Variants in CELF4 observed in about 807,000 individuals in gnomAD.
The protein encoded by CELF4 is CUGBP Elav-like family member 4, also known as CUG-BP- and ETR-3-like factor 4.
A neutral mutation model predicts 59.9 loss-of-function variants in CELF4; 18 were observed. That is an observed-to-expected ratio of 0.30 (90% CI 0.21 to 0.45). The LOEUF (loss-of-function observed/expected upper bound fraction) is 0.45. CELF4 is among the 20% of genes least tolerant of loss of function. CELF4 has a pLI of 1.00. For synonymous variants in CELF4, 261 were observed against 267.1 expected (o/e 0.98, Z 0.22); for missense variants, 456 against 689.0 (o/e 0.66, Z 3.79).
At chr18:37,494,639 G>A (rs9957705) in intron 1 of CELF4, among the ~76,000 whole-genome samples, 5,408 of 152,220 alleles carry the variant, frequency 0.036, 280 homozygotes, top group African/African-American at 0.12. Flanking sequence ...GGTGCGTATC[G>A]TCGGCATCTG....
chr18:37,273,234 T>C, intron 6 of CELF4, 71 bp from the exon 7 acceptor site: 1 of 1,548,212 alleles, frequency 6.5e-7, no homozygotes, highest in Non-Finnish European at 8.8e-7. Context: ...GGGCCTCAGC[T>C]CCTGGAGACC....
At chr18:37,383,541 C>G (rs2099066129) in intron 2 of CELF4, among the ~76,000 whole-genome samples, 1 of 152,212 alleles carries the variant, frequency 6.6e-6, no homozygotes, top group Admixed American at 6.5e-5. Context: ...ATACATAATA[C>G]TTAATTTCCA....
chr18:37,279,361 A>G (rs2093821895), intron 3 of CELF4, among the ~76,000 whole-genome samples: 3 of 152,146 alleles, frequency 2.0e-5, no homozygotes, highest in Admixed American at 2.0e-4. Context: ...GAGCAACTGG[A>G]GGCTGGCATT....
chr18:37,343,746 C>T (rs189775368), intron 2 of CELF4, among the ~76,000 whole-genome samples: 9 of 152,164 alleles, frequency 5.9e-5, no homozygotes, highest in Non-Finnish European at 8.8e-5. Context: ...TGCTCGTGTT[C>T]CGTGCCCTGC....
intron 1 of CELF4, among the ~76,000 whole-genome samples, chr18:37,516,861 C>A (rs1603643194): frequency 6.6e-6 from 1 of 152,308 alleles, no homozygotes; most frequent in East Asian, 1.9e-4. Context: ...GCTCTGGGGG[C>A]ACGTGGCTGG....
chr18:37,546,336 T>G (rs1053105781), intron 1 of CELF4, among the ~76,000 whole-genome samples: 1 of 152,164 alleles, frequency 6.6e-6, no homozygotes, highest in Non-Finnish European at 1.5e-5. Context: ...GGAAGTGGTG[T>G]GTGGGCAGGT....
At chr18:37,348,225 T>C (rs1440148181) in intron 2 of CELF4, among the ~76,000 whole-genome samples, 2 of 152,158 alleles carry the variant, frequency 1.3e-5, no homozygotes, top group African/African-American at 2.4e-5. Context: ...AGCCACAATT[T>C]CCCCACCTGC....
intron 2 of CELF4, among the ~76,000 whole-genome samples, chr18:37,344,305 G>GCAACCCGTGAAACACAGAA (rs2098168957): frequency 6.6e-6 from 1 of 152,216 alleles, no homozygotes; most frequent in Non-Finnish European, 1.5e-5. Flanking sequence ...CACATGGCAA[G>GCAACCCGTGAAACACAGAA]CAACCCGTGA....
At chr18:37,463,543 T>C (rs964063624) in intron 2 of CELF4, among the ~76,000 whole-genome samples, 2 of 152,190 alleles carry the variant, frequency 1.3e-5, no homozygotes, top group African/African-American at 4.8e-5. Context: ...AAGGAAGCTA[T>C]AATTGGAAGT....
At chr18:37,278,411 C>A (rs1218281361) in intron 3 of CELF4, among the ~76,000 whole-genome samples, 1 of 152,204 alleles carries the variant, frequency 6.6e-6, no homozygotes, top group Admixed American at 6.5e-5. Flanking sequence ...GGTATTGTGG[C>A]TTGTGCGAGT....
intron 1 of CELF4, among the ~76,000 whole-genome samples, chr18:37,516,461 G>A (rs968472282): frequency 2.6e-5 from 4 of 152,226 alleles, no homozygotes; most frequent in African/African-American, 9.6e-5. Flanking sequence ...GCTTGGGGAA[G>A]ACAGAGCCCT....
intron 2 of CELF4, among the ~76,000 whole-genome samples, chr18:37,419,686 T>G (rs1201331388): frequency 6.6e-6 from 1 of 152,156 alleles, no homozygotes; most frequent in Non-Finnish European, 1.5e-5. Context: ...TAGGCAAGAC[T>G]GTAAAACCCT....
intron 2 of CELF4, among the ~76,000 whole-genome samples, chr18:37,431,362 C>CTTTTTTTTTT (rs35971960): frequency 1.3e-4 from 11 of 81,556 alleles, no homozygotes; most frequent in Non-Finnish European, 2.1e-4. Flanking sequence ...CCTTTCTTTC[C>CTTTTTTTTTT]TTTTTTTTTT....
At chr18:37,312,414 G>A (rs188164438) in intron 3 of CELF4, among the ~76,000 whole-genome samples, 23 of 152,276 alleles carry the variant, frequency 1.5e-4, no homozygotes, top group East Asian at 5.8e-4. Flanking sequence ...CGGACTGCCC[G>A]GCCATGCTGT....
chr18:37,487,965 G>A (rs182201436), intron 1 of CELF4, among the ~76,000 whole-genome samples: 2 of 151,688 alleles, frequency 1.3e-5, no homozygotes, highest in East Asian at 1.9e-4. Flanking sequence ...TCCCCCTGCC[G>A]TCTCCACCCC....
chr18:37,483,727 G>C (rs546606049), intron 2 of CELF4, among the ~76,000 whole-genome samples: 1 of 152,296 alleles, frequency 6.6e-6, no homozygotes, highest in South Asian at 2.1e-4. Flanking sequence ...CTGGTAATAA[G>C]CCTTCTTTAA....
intron 2 of CELF4, among the ~76,000 whole-genome samples, chr18:37,351,611 C>CT (rs35650061): frequency 1.6e-4 from 20 of 121,922 alleles, no homozygotes; most frequent in African/African-American, 3.2e-4. Context: ...TCTTCTTCTT[C>CT]TTTTTTTTTT....
chr18:37,295,139 G>A (rs2095565490), intron 3 of CELF4, among the ~76,000 whole-genome samples: 2 of 152,300 alleles, frequency 1.3e-5, no homozygotes, highest in South Asian at 2.1e-4. Context: ...AGGAGGGGGC[G>A]CCCTGAAAGC....
intron 1 of CELF4, among the ~76,000 whole-genome samples, chr18:37,549,009 C>T (rs541905004): frequency 7.1e-4 from 108 of 152,292 alleles, no homozygotes; most frequent in Non-Finnish European, 1.2e-3. Context: ...CGAACAGATG[C>T]GTGGAAACAG....
Sources: allele counts gnomAD v4.1 joint callset (sites outside exome capture counted in the v4.1 genomes callset), GRCh38; gene constraint gnomAD v4.1.1; transcripts MANE v1.5; gene names NCBI Gene and HGNC (gene_info 2026-07-23, HGNC 2026-07-21).